The following PKD1L1 variants were observed in gnomAD, a reference collection of about 807,000 sequenced individuals.
The protein encoded by PKD1L1 is polycystin-1-like protein 1.
PKD1L1 carries 236 observed loss-of-function variants against 323.4 expected under a neutral mutation model. That is an observed-to-expected ratio of 0.73 (90% CI 0.66 to 0.81). The LOEUF is 0.81. Ranked by LOEUF, PKD1L1 falls within the 40% of genes least tolerant of loss-of-function variation. The pLI is 0.00. For synonymous variants in PKD1L1, 1,344 were observed against 1,335.0 expected (o/e 1.01, Z -0.15); for missense variants, 3,320 against 3,508.0 (o/e 0.95, Z 1.35).
At position 47,865,237 on chromosome 7, in the gene PKD1L1, G is replaced by T. The variant is rs1000420822; in HGVS notation, c.4128C>A (p.Asp1376Glu). 3.7e-6 allele frequency: 6 copies of T among 1,613,388 alleles called. No homozygotes were observed. The highest frequency in any genetic ancestry group is 5.1e-6 in the Non-Finnish European group (6 of 1,179,698). ...EMIGSVLMLRDLVSFSNKLGF... is the reference protein window; with the variant it reads ...EMIGSVLMLRELVSFSNKLGF... ...TTACCTTATTAGAGAAGCTCACGAG[G>T]TCCCTCAACATAAGAACAGAACCAA... Residue 1376 changes from aspartate (D) to glutamate (E), a missense_variant, in exon 26 of 57, where the codon GAC becomes GAA. Asp to Glu is a conservative substitution (Grantham distance 45). Coordinates refer to ENST00000289672, the MANE Select transcript of PKD1L1 (RefSeq NM_138295.5).
chr7:47,930,459 C>G (rs751127306), intron 6 of PKD1L1, among the ~76,000 whole-genome samples: 3 of 151,612 alleles, frequency 2.0e-5, no homozygotes, highest in Non-Finnish European at 2.9e-5. Flanking sequence ...GACCCAAGAT[C>G]GCGCCACTGC....
intron 4 of PKD1L1, among the ~76,000 whole-genome samples, chr7:47,933,771 A>G (rs1244523068): frequency 6.6e-6 from 1 of 152,158 alleles, no homozygotes; most frequent in Non-Finnish European, 1.5e-5. Context: ...ATCCAACCAG[A>G]TAAGGACACG....
intron 6 of PKD1L1, among the ~76,000 whole-genome samples, chr7:47,930,334 T>C (rs1327437623): frequency 6.6e-6 from 1 of 151,572 alleles, no homozygotes; most frequent in Admixed American, 6.6e-5. Context: ...TGAAACCCGG[T>C]CTCTACTAAA....
At chr7:47,786,522 G>A (rs1280280906) in intron 56 of PKD1L1, among the ~76,000 whole-genome samples, 2 of 152,168 alleles carry the variant, frequency 1.3e-5, no homozygotes, top group African/African-American at 4.8e-5. Context: ...CCTCCTGGCA[G>A]GTAGGTGCTA....
chr7:47,843,285 T>TA (rs1785600434), intron 33 of PKD1L1, 116 bp from the exon 34 acceptor site: 4 of 765,752 alleles, frequency 5.2e-6, no homozygotes, highest in Non-Finnish European at 8.2e-6. Context: ...GCTTCACTGA[T>TA]ACATTTTTAC....
chr7:47,794,378 G>A (rs1265303749), intron 55 of PKD1L1, among the ~76,000 whole-genome samples: 1 of 152,190 alleles, frequency 6.6e-6, no homozygotes, highest in African/African-American at 2.4e-5. Flanking sequence ...AGCCATGGCC[G>A]AAAGGGGCCA....
At chr7:47,943,558 G>A (rs188568824) in intron 1 of PKD1L1, 47 bp from the exon 2 acceptor site, 241 of 1,442,050 alleles carry the variant, frequency 1.7e-4, no homozygotes, top group South Asian at 4.2e-4. Context: ...AAGTACAATC[G>A]TTTAATCACA....
At chr7:47,880,686 ACTC>A (rs1457114684) in intron 21 of PKD1L1, 39 bp downstream of exon 21, 1 of 1,487,388 alleles carries the variant, frequency 6.7e-7, no homozygotes, top group Non-Finnish European at 9.3e-7. Context: ...ACGCAGCAGG[ACTC>A]CTCATCCTCT....
intron 42 of PKD1L1, 87 bp from the exon 43 acceptor site, chr7:47,830,211 C>T: frequency 9.0e-7 from 1 of 1,116,842 alleles, no homozygotes; most frequent in Non-Finnish European, 1.3e-6. Context: ...AGGGACACTG[C>T]CTGAGAGGGC....
chr7:47,839,687 C>T lies in PKD1L1; in HGVS notation c.5553-25G>A, dbSNP rs542534940. On this transcript the variant is annotated intron_variant, in intron 35 of 56. Transcript: ENST00000289672. The surrounding 1 kb of genome is among the most constrained non-coding windows in gnomAD (Gnocchi z 4.3). The stretch of plus-strand genomic sequence containing the variant: ...GCTGGAGGCACACACAGCAGCATCT[C>T]AGCCGGGTGGGTGACAGTGTGGTCC... 314 of 1,550,592 alleles carry T rather than the reference C, an allele frequency of 2.0e-4. 1 individual carries two copies. The South Asian group carries it at 3.5e-3, about 17-fold the overall frequency.
At chr7:47,782,605 T>A (rs1786722699) in intron 56 of PKD1L1, among the ~76,000 whole-genome samples, 1 of 152,192 alleles carries the variant, frequency 6.6e-6, no homozygotes, top group Non-Finnish European at 1.5e-5. Context: ...ATTCTGAAGA[T>A]CAGATAGAAT....
chr7:47,878,745 G>A (rs1045144452), intron 21 of PKD1L1, among the ~76,000 whole-genome samples: 3 of 152,166 alleles, frequency 2.0e-5, no homozygotes, highest in African/African-American at 7.2e-5. Context: ...ATAACCACAG[G>A]GAAAGACTTA....
intron 36 of PKD1L1, among the ~76,000 whole-genome samples, chr7:47,838,600 C>G (rs1400363759): frequency 2.0e-5 from 3 of 151,998 alleles, no homozygotes; most frequent in African/African-American, 4.8e-5. Context: ...CAAAATGCAG[C>G]TAGGTGTGTT....
intron 13 of PKD1L1, among the ~76,000 whole-genome samples, chr7:47,899,737 A>T (rs1182137902): frequency 6.6e-6 from 1 of 152,110 alleles, no homozygotes; most frequent in Non-Finnish European, 1.5e-5. Context: ...TGGGCGGATC[A>T]CGAGGTCAGG....
chr7:47,831,490 G>A (rs1045862203), intron 41 of PKD1L1, 138 bp from the exon 42 acceptor site: 41 of 1,192,932 alleles, frequency 3.4e-5, no homozygotes, highest in Middle Eastern at 3.0e-4. Context: ...TGTGATTTTT[G>A]AGTGTGTTCG....
intron 21 of PKD1L1, among the ~76,000 whole-genome samples, chr7:47,878,382 T>C (rs1419182696): frequency 6.6e-6 from 1 of 152,222 alleles, no homozygotes; most frequent in Non-Finnish European, 1.5e-5. Context: ...AAATGTTTAA[T>C]GTATTTGTCT....
intron 23 of PKD1L1, among the ~76,000 whole-genome samples, chr7:47,875,022 C>T (rs1270553939): frequency 1.3e-5 from 2 of 152,174 alleles, no homozygotes; most frequent in African/African-American, 2.4e-5. Context: ...GTTAAGAAAT[C>T]TTTACTTCCA....
chr7:47,828,756 A>G (rs1366979172), intron 44 of PKD1L1, among the ~76,000 whole-genome samples: 4 of 152,240 alleles, frequency 2.6e-5, no homozygotes, highest in East Asian at 1.9e-4. Context: ...GTCCTCAGAC[A>G]TGGAGTTTAT....
the PKD1L1 span, among the ~76,000 whole-genome samples, chr7:47,956,019 C>T: frequency 5.3e-5 from 8 of 152,276 alleles, no homozygotes; most frequent in African/African-American, 1.4e-4. Context: ...ATCAGCCAAA[C>T]GGAGAAGTGA....
Sources: allele counts gnomAD v4.1 joint callset (sites outside exome capture counted in the v4.1 genomes callset), GRCh38; gene constraint gnomAD v4.1.1; non-coding constraint Gnocchi (gnomAD v3.1); transcripts MANE v1.5; gene names NCBI Gene and HGNC (gene_info 2026-07-23, HGNC 2026-07-21).